The following TMC5 variants were observed in gnomAD, a reference collection of about 807,000 sequenced individuals.
TMC5 encodes transmembrane channel like 5.
A neutral mutation model predicts 110.5 loss-of-function variants in TMC5; 86 were observed. The observed-to-expected ratio is 0.78, with a 90% CI of 0.65 to 0.93. The LOEUF (loss-of-function observed/expected upper bound fraction) is 0.93, where lower values mean the gene tolerates loss of function less well. Ranked by LOEUF, TMC5 falls within the 40% of genes least tolerant of loss-of-function variation. The probability of loss-of-function intolerance (pLI) is 0.00; values close to 1 mark genes in which losing one functional copy is unlikely to be tolerated. For missense variants in TMC5, 1,144 were observed against 1,222.8 expected, an observed-to-expected ratio of 0.94 and a Z score of 0.96; for synonymous variants, 455 against 439.5, an observed-to-expected ratio of 1.04 and a Z score of -0.44.
At position 19,449,297 on chromosome 16, in the gene TMC5, T is replaced by G. The variant is rs574739915; in HGVS notation, c.959-245T>G. On this transcript the variant is annotated intron_variant, in intron 4 of 21. Coordinates refer to ENST00000542583, the MANE Select transcript of TMC5 (RefSeq NM_001261841.2). ...TACCTCACCTTGCCAACAATTATTT[T>G]TAACTATGGCTTAGTCAAATGAAAA... is the stretch of plus-strand genomic sequence containing the variant. 4.6e-5 allele frequency among the ~76,000 whole-genome samples: 7 copies of G among 152,308 alleles called. No homozygotes were observed. In the South Asian group the frequency reaches 1.5e-3, roughly 32 times the overall value.
chr16:19,435,073 G>A (rs1213661950), intron 2 of TMC5, among the ~76,000 whole-genome samples: 1 of 152,074 alleles, frequency 6.6e-6, no homozygotes, highest in African/African-American at 2.4e-5. Context: ...TTTGATTTAT[G>A]TATAAGAAAA....
rs747660268 is a variant in TMC5, at chr16:19,440,610, C to G, written c.572C>G (p.Thr191Arg). The G allele has an allele frequency of 6.2e-7, 1 of 1,614,202 alleles. No individual in the cohort carries two copies. The highest frequency in any genetic ancestry group is 1.1e-5 in the South Asian group (1 of 91,082). Residue 191 changes from threonine to arginine, a missense_variant, in exon 3 of 22, where the codon ACA (threonine) becomes AGA (arginine). Physicochemically the swap from Thr to Arg is moderately conservative, Grantham distance 71. Transcript: ENST00000542583. ...GGATCCAGAAAGAATCTGGAACATA[C>G]AAGTTTTAGAATCAATCCATACGCA... ...HPGSRKNLEH[T>R]SFRINPYADS...
Position 19,463,895 on chromosome 16 carries a change from T to G in TMC5, c.1356T>G (p.Phe452Leu). ...CCAGCGTCCTCTCCTATTTCAACTT[T>G]CTGAGATGGCTTTTGAAGTTCAACA... ...FGTSVLSYFNFLRWLLKFNIF... is the reference protein window; with the variant it reads ...FGTSVLSYFNLLRWLLKFNIF... Residue 452 changes from phenylalanine (F) to leucine (L), a missense_variant, in exon 8 of 22, where the codon TTT becomes TTG. By Grantham distance (22) the Phe-to-Leu change is conservative. Transcript: ENST00000542583. 6.2e-7 allele frequency: 1 copy of G among 1,614,208 alleles called. No individual in the cohort carries two copies. Among genetic ancestry groups the G allele is most frequent in the Non-Finnish European group, 8.5e-7 (1 of 1,180,026 alleles).
At chr16:19,465,262 G>A (rs753913224) in intron 8 of TMC5, among the ~76,000 whole-genome samples, 10 of 151,890 alleles carry the variant, frequency 6.6e-5, no homozygotes, top group African/African-American at 2.4e-5. Context: ...AGCCGGGTAC[G>A]GTGGCTCACT....
At chr16:19,494,048 G>A (rs1360902722) in intron 19 of TMC5, among the ~76,000 whole-genome samples, 3 of 152,196 alleles carry the variant, frequency 2.0e-5, no homozygotes, top group South Asian at 4.1e-4. Flanking sequence ...CTTTAGAGGA[G>A]AATATTACAG....
chr16:19,477,254 TA>T (rs370134303), intron 12 of TMC5, among the ~76,000 whole-genome samples, 185 bp from the exon 13 acceptor site: 7 of 145,138 alleles, frequency 4.8e-5, no homozygotes, highest in South Asian at 2.2e-4. Context: ...TCTCAAAAAA[TA>T]AAAAAAAAAG....
At position 19,426,357 on chromosome 16, in the gene TMC5, G is replaced by T. The variant is rs538876293; in HGVS notation, c.-307-4056G>T. On this transcript the variant is annotated intron_variant, in intron 1 of 21. Transcript: ENST00000542583. ...TCCTGCCACCTTTCCCAGACCCGGT[G>T]GTAGAGAATAGGGAGGATCCCTAGC... 2.0e-5 allele frequency among the ~76,000 whole-genome samples: 3 copies of T among 152,274 alleles called. No individual in the cohort carries two copies. In the East Asian group the frequency reaches 5.8e-4, roughly 29 times the overall value.
chr16:19,495,008 A>ATTTTTTTTT (rs1226858039), intron 20 of TMC5, among the ~76,000 whole-genome samples: 1,120 of 37,054 alleles, frequency 0.03, 248 homozygotes, highest in Non-Finnish European at 0.048. Flanking sequence ...TTCAGTGTCT[A>ATTTTTTTTT]TTCTTTTTTT....
At chr16:19,478,389 C>T (rs183390529) in intron 13 of TMC5, among the ~76,000 whole-genome samples, 16 of 152,322 alleles carry the variant, frequency 1.1e-4, no homozygotes, top group African/African-American at 2.9e-4. Context: ...CCCTAATTGT[C>T]GAAGAGATTC....
At chr16:19,441,328 T>A (rs574070852) in intron 3 of TMC5, among the ~76,000 whole-genome samples, 3 of 151,942 alleles carry the variant, frequency 2.0e-5, no homozygotes, top group South Asian at 4.2e-4. Context: ...TTATTTTTTT[T>A]ATTTTTCTTG....
chr16:19,490,116 C>T (rs1355997061), intron 17 of TMC5, among the ~76,000 whole-genome samples: 1 of 152,194 alleles, frequency 6.6e-6, no homozygotes, highest in Non-Finnish European at 1.5e-5. Context: ...AAAAGTCTGA[C>T]TGCCCCCATT....
intron 4 of TMC5, among the ~76,000 whole-genome samples, chr16:19,447,330 G>C (rs905812054): frequency 6.6e-6 from 1 of 152,040 alleles, no homozygotes; most frequent in African/African-American, 2.4e-5. Context: ...ATCTTTAAAA[G>C]CCTTGGCTTG....
rs185784837 is a variant in TMC5, at chr16:19,491,686, C to A, written c.2748-464C>A. 1.7e-3 allele frequency among the ~76,000 whole-genome samples: 263 copies of A among 152,104 alleles called. 1 individual carries two copies. The highest frequency in any genetic ancestry group is 6.1e-3 in the African/African-American group (255 of 41,478). On this transcript the variant is annotated intron_variant, in intron 18 of 21. Coordinates refer to ENST00000542583, the MANE Select transcript of TMC5 (RefSeq NM_001261841.2). ...GAGTAGTTGGGACTACAGGCACCCACCACCACGCCCAGCTAATTTTTTGCA... is the reference window on the plus strand; with the variant it reads ...GAGTAGTTGGGACTACAGGCACCCAACACCACGCCCAGCTAATTTTTTGCA...
chr16:19,494,171 C>T (rs1220089994), intron 19 of TMC5, 91 bp from the exon 20 acceptor site: 6 of 1,007,336 alleles, frequency 6.0e-6, no homozygotes, highest in Admixed American at 4.1e-5. Context: ...GCCTGAAAAC[C>T]GACGTTCTTC....
At chr16:19,466,414 C>T (rs1265577444) in intron 9 of TMC5, among the ~76,000 whole-genome samples, 181 bp downstream of exon 9, 1 of 152,244 alleles carries the variant, frequency 6.6e-6, no homozygotes, top group South Asian at 2.1e-4. Flanking sequence ...TACAGTGGCG[C>T]AATCTGGGCT....
intron 14 of TMC5, 124 bp from the exon 15 acceptor site, chr16:19,481,246 C>G (rs1380648568): frequency 1.4e-6 from 1 of 713,120 alleles, no homozygotes; most frequent in Admixed American, 2.5e-5. Flanking sequence ...GAAAAATTTT[C>G]AAGGGAACTT....
upstream of TMC5, among the ~76,000 whole-genome samples, chr16:19,413,823 C>T (rs1966864234): frequency 6.6e-6 from 1 of 152,214 alleles, no homozygotes; most frequent in Admixed American, 6.5e-5. Flanking sequence ...CACTTTCTTG[C>T]CTCTGCCACT....
chr16:19,484,905 G>A (rs923668507), intron 15 of TMC5, among the ~76,000 whole-genome samples: 3 of 150,128 alleles, frequency 2.0e-5, no homozygotes, highest in Non-Finnish European at 4.4e-5. Flanking sequence ...TAACCTTTGC[G>A]GGTTTTAGGA....
chr16:19,434,367 A>C lies in TMC5; in HGVS notation c.-80+3727A>C, dbSNP rs1192195252. ...ATTATATGATCTATATTATATATAT[A>C]ATATAGATCTATATATAATATAGAT... is the stretch of plus-strand genomic sequence containing the variant. On this transcript the variant is annotated intron_variant, in intron 2 of 21. Transcript: ENST00000542583. Among the ~76,000 whole-genome samples the C allele has an allele frequency of 2.0e-4, 18 of 90,804 alleles. No homozygotes were observed. In the East Asian group the frequency reaches 2.4e-3, roughly 12 times the overall value. 59.6% of individuals were successfully genotyped at this position (90,804 alleles called of 152,430 possible). A position where few individuals can be genotyped will look rare whatever the true frequency, so the allele number is the denominator to read the frequency against.
Sources: gnomAD v4.1 joint callset for allele counts (sites outside exome capture counted in the v4.1 genomes callset) on GRCh38, gnomAD v4.1.1 for gene constraint, MANE v1.5 for transcripts, NCBI Gene and HGNC (gene_info 2026-07-23, HGNC 2026-07-21) for gene names.